Variants in F5 observed in about 807,000 individuals in gnomAD.
The protein encoded by F5 is coagulation factor V.
F5 carries 138 observed loss-of-function variants against 216.4 expected under a neutral mutation model. The ratio of observed to expected loss-of-function variants is 0.64; its 90% CI spans 0.56 to 0.73. The LOEUF is 0.73. Among genes scored for constraint, F5 ranks in the 30% least tolerant of loss-of-function variants. The pLI, the probability that F5 is intolerant of heterozygous loss-of-function variation, is 0.00. For synonymous variants in F5, 916 were observed against 930.7 expected (o/e 0.98, Z 0.29); for missense variants, 2,403 against 2,674.0 (o/e 0.90, Z 2.24).
intron 7 of F5, 92 bp from the exon 8 acceptor site, chr1:169,552,826 A>G: frequency 1.1e-6 from 1 of 948,254 alleles, no homozygotes; most frequent in East Asian, 2.4e-5. Context: ...TTCTGCTCTT[A>G]GATTAGCTAA....
intron 2 of F5, among the ~76,000 whole-genome samples, chr1:169,573,021 C>T (rs1046845191): frequency 6.6e-6 from 1 of 151,902 alleles, no homozygotes; most frequent in Non-Finnish European, 1.5e-5. Flanking sequence ...TCTCAGGACC[C>T]ACTGCAACCT....
intron 13 of F5, among the ~76,000 whole-genome samples, chr1:169,538,808 G>T (rs1483439263): frequency 2.6e-5 from 4 of 152,168 alleles, no homozygotes; most frequent in Non-Finnish European, 5.9e-5. Flanking sequence ...GAGGAAGGCA[G>T]ATGTGACTAT....
At chr1:169,577,503 C>T (rs1180860777) in intron 2 of F5, among the ~76,000 whole-genome samples, 1 of 141,620 alleles carries the variant, frequency 7.1e-6, no homozygotes, top group Non-Finnish European at 1.5e-5. Flanking sequence ...ACCCTCTTGC[C>T]TTAGCCTCCC....
chr1:169,545,701 A>G (rs527775282), intron 11 of F5, among the ~76,000 whole-genome samples: 17 of 152,296 alleles, frequency 1.1e-4, no homozygotes, highest in African/African-American at 3.8e-4. Flanking sequence ...CAGTCATCTG[A>G]AGCTATATGA....
intron 8 of F5, 40 bp from the exon 9 acceptor site, chr1:169,550,779 GA>G: frequency 7.0e-7 from 1 of 1,429,492 alleles, no homozygotes; most frequent in Non-Finnish European, 9.9e-7. Context: ...ATTTAAGGTT[GA>G]TCATGACAAA....
At chr1:169,559,801 T>C (rs892895434) in intron 4 of F5, among the ~76,000 whole-genome samples, 1 of 152,182 alleles carries the variant, frequency 6.6e-6, no homozygotes, top group Admixed American at 6.5e-5. Flanking sequence ...TAAGGTTTTT[T>C]TCAGTACCAT....
Position 169,546,473 on chromosome 1 carries a change from G to T in F5, c.1731C>A (p.Asp577Glu). 1 of 1,614,062 alleles carries T rather than the reference G, an allele frequency of 6.2e-7. No homozygotes were observed. Among genetic ancestry groups the T allele is most frequent in the Non-Finnish European group, 8.5e-7 (1 of 1,179,990 alleles). Residue 577 changes from aspartate (D) to glutamate (E), a missense_variant, in exon 11 of 25, where the codon GAC (aspartate) becomes GAA (glutamate). Coordinates refer to ENST00000367797, the MANE Select transcript of F5 (RefSeq NM_000130.5). ...TGATGTTTGATTCATAAAACTTGGG[G>T]TCATCACGTTTCACCTCATCAGGAT... ...CENPDEVKRD[D>E]PKFYESNIMS...
At chr1:169,570,200 G>T (rs1024606650) in intron 3 of F5, among the ~76,000 whole-genome samples, 12 of 152,066 alleles carry the variant, frequency 7.9e-5, no homozygotes, top group Non-Finnish European at 1.2e-4. Flanking sequence ...ATAAATAATT[G>T]CTGGCTGTAG....
chr1:169,561,288 T>TC (rs9332561), intron 3 of F5, among the ~76,000 whole-genome samples: 41,414 of 129,674 alleles, frequency 0.32, 6,003 homozygotes, highest in Admixed American at 0.38. Context: ...CTCAATTTTT[T>TC]CCCCCGAGCC....
At chr1:169,529,330 A>C (rs2101810602) in intron 16 of F5, among the ~76,000 whole-genome samples, 1 of 152,334 alleles carries the variant, frequency 6.6e-6, no homozygotes. Context: ...GTATGTTACC[A>C]GCTGAAGCAC....
chr1:169,550,575 G>C, intron 9 of F5, 65 bp downstream of exon 9: 5 of 1,221,980 alleles, frequency 4.1e-6, no homozygotes, highest in Non-Finnish European at 6.1e-6. Flanking sequence ...AAGGAGAATA[G>C]CAGAAAAATG....
At chr1:169,515,753 C>T (rs1659142999) in intron 23 of F5, 127 bp from the exon 24 acceptor site, 1 of 894,972 alleles carries the variant, frequency 1.1e-6, no homozygotes, top group African/African-American at 1.7e-5. Flanking sequence ...TTAGGATTCA[C>T]AGTCTCCTAG....
At chr1:169,540,234 A>G in intron 13 of F5, 60 bp downstream of exon 13, 1 of 1,566,152 alleles carries the variant, frequency 6.4e-7, no homozygotes, top group Non-Finnish European at 8.8e-7. Context: ...GAATTGTAGT[A>G]GCTACTTTTT....
At chr1:169,570,848 C>T (rs1164899247) in intron 3 of F5, among the ~76,000 whole-genome samples, 1 of 152,036 alleles carries the variant, frequency 6.6e-6, no homozygotes, top group Non-Finnish European at 1.5e-5. Flanking sequence ...TTCACGACAA[C>T]AAACCTGTAT....
At chr1:169,531,527 A>C (rs1352509142) in intron 14 of F5, among the ~76,000 whole-genome samples, 2 of 152,202 alleles carry the variant, frequency 1.3e-5, no homozygotes, top group South Asian at 2.1e-4. Flanking sequence ...GGAATTGGCC[A>C]TCATAGAATG....
At chr1:169,573,639 G>A (rs1660779109) in intron 2 of F5, among the ~76,000 whole-genome samples, 1 of 152,178 alleles carries the variant, frequency 6.6e-6, no homozygotes, top group African/African-American at 2.4e-5. Context: ...AGAGACAGGA[G>A]GTTATGGGTG....
At chr1:169,577,598 T>C (rs1660890767) in intron 2 of F5, among the ~76,000 whole-genome samples, 1 of 114,670 alleles carries the variant, frequency 8.7e-6, no homozygotes, top group Non-Finnish European at 1.7e-5. Context: ...TATATATATA[T>C]ATATATGTAT....
At chr1:169,569,206 A>T (rs1019075978) in intron 3 of F5, among the ~76,000 whole-genome samples, 2 of 152,124 alleles carry the variant, frequency 1.3e-5, no homozygotes, top group Admixed American at 1.3e-4. Flanking sequence ...CACCTACATT[A>T]AGTCAAGCAT....
rs753596138 is a variant in F5 at position 169,542,787 on chromosome 1, T to C, written c.2303A>G (p.Asn768Ser). The C allele has an allele frequency of 6.2e-7, 1 of 1,614,144 alleles. No individual in the cohort carries two copies. Among genetic ancestry groups the C allele is most frequent in the South Asian group, 1.1e-5 (1 of 91,082 alleles). Residue 768 changes from asparagine (N) to serine (S), a missense_variant, in exon 13 of 25, where the codon AAC (asparagine) becomes AGC (serine). Coordinates refer to ENST00000367797, the MANE Select transcript of F5 (RefSeq NM_000130.5). Reference protein sequence around the residue: ...LENGTEFVSSNTDIIVGSNYS... With the variant: ...LENGTEFVSSSTDIIVGSNYS... ...ATTTGAACCAACAATTATATCTGTG[T>C]TTGAAGAAACGAATTCAGTGCCATT...
Sources: allele counts gnomAD v4.1 joint callset (sites outside exome capture counted in the v4.1 genomes callset), GRCh38; gene constraint gnomAD v4.1.1; transcripts MANE v1.5; gene names NCBI Gene and HGNC (gene_info 2026-07-23, HGNC 2026-07-21).